Variants in CCDC138 observed in about 807,000 individuals in gnomAD.
CCDC138 encodes the protein coiled-coil domain-containing protein 138.
In CCDC138, 66 loss-of-function variants were observed where a neutral mutation model predicts 82.3. That is an observed-to-expected ratio of 0.80 (90% confidence interval 0.66 to 0.98). The LOEUF (loss-of-function observed/expected upper bound fraction) is 0.98. Among genes scored for constraint, CCDC138 ranks in the 50% least tolerant of loss-of-function variants. CCDC138 has a pLI of 0.00. For missense variants in CCDC138, 816 were observed against 758.9 expected, an observed-to-expected ratio of 1.08 and a Z score of -0.88; for synonymous variants, 297 against 265.4, an observed-to-expected ratio of 1.12 and a Z score of -1.16.
chr2:108,861,830 C>T (rs1178567315), intron 13 of CCDC138, among the ~76,000 whole-genome samples: 1 of 152,076 alleles, frequency 6.6e-6, no homozygotes, highest in African/African-American at 2.4e-5. Context: ...AGCCACCGCG[C>T]CCAGCCTAAA....
intron 11 of CCDC138, among the ~76,000 whole-genome samples, chr2:108,839,875 A>G (rs570160880): frequency 6.7e-6 from 1 of 150,192 alleles, no homozygotes; most frequent in Non-Finnish European, 1.5e-5. Context: ...TTCCTACCTT[A>G]TTGCATTAGC....
chr2:108,833,471 A>G (rs1237120008), intron 10 of CCDC138, among the ~76,000 whole-genome samples: 1 of 152,234 alleles, frequency 6.6e-6, no homozygotes. Context: ...AGGTTTTCCA[A>G]GAGCTTGGCA....
At chr2:108,857,082 T>C (rs1692735785) in intron 13 of CCDC138, 112 bp downstream of exon 13, 1 of 524,594 alleles carries the variant, frequency 1.9e-6, no homozygotes, top group African/African-American at 2.4e-5. Context: ...TTTTTTTTTT[T>C]TTTTTTTTTT....
chr2:108,867,444 A>G (rs1357910370), intron 13 of CCDC138, among the ~76,000 whole-genome samples: 1 of 152,246 alleles, frequency 6.6e-6, no homozygotes, highest in Non-Finnish European at 1.5e-5. Context: ...GAAAAATGGC[A>G]GACTAGGAAG....
intron 6 of CCDC138, among the ~76,000 whole-genome samples, chr2:108,802,104 C>T (rs74697333): frequency 3.5e-5 from 5 of 144,072 alleles, no homozygotes; most frequent in Admixed American, 7.1e-5. Context: ...ATTGACTTGG[C>T]GATGCGGGCT....
At chr2:108,838,467 A>G (rs1688937600) in intron 10 of CCDC138, among the ~76,000 whole-genome samples, 1 of 152,176 alleles carries the variant, frequency 6.6e-6, no homozygotes, top group Non-Finnish European at 1.5e-5. Flanking sequence ...GTAGCAATAA[A>G]TATCTTTGTA....
chr2:108,846,361 A>G (rs987599662), intron 11 of CCDC138, among the ~76,000 whole-genome samples: 3 of 152,174 alleles, frequency 2.0e-5, no homozygotes, highest in East Asian at 3.8e-4. Context: ...TACTTTTAAT[A>G]CATATATTTG....
At chr2:108,793,374 A>G (rs1179303976) in intron 4 of CCDC138, among the ~76,000 whole-genome samples, 3 of 151,940 alleles carry the variant, frequency 2.0e-5, no homozygotes, top group Admixed American at 6.6e-5. Flanking sequence ...ACTGACCGAG[A>G]GCATTTTATA....
intron 8 of CCDC138, 22 bp downstream of exon 8, chr2:108,812,730 A>G (rs764111172): frequency 1.2e-6 from 2 of 1,607,626 alleles, no homozygotes; most frequent in South Asian, 1.1e-5. Context: ...GTTCTTCTCT[A>G]CAGACAGAAG....
At chr2:108,843,844 T>TTGTGTGTGTGTGTG (rs71383805) in intron 11 of CCDC138, among the ~76,000 whole-genome samples, 84 of 22,808 alleles carry the variant, frequency 3.7e-3, no homozygotes, top group African/African-American at 5.3e-3. Context: ...AGTTCATGTT[T>TTGTGTGTGTGTGTG]TGTGTGTGTG....
chr2:108,788,381 C>G (rs181654465), intron 2 of CCDC138, among the ~76,000 whole-genome samples: 1 of 150,592 alleles, frequency 6.6e-6, no homozygotes, highest in Non-Finnish European at 1.5e-5. Context: ...GATGGCGCCA[C>G]TACACTCCAG....
chr2:108,867,204 G>C (rs565437629), intron 13 of CCDC138, among the ~76,000 whole-genome samples: 76 of 152,220 alleles, frequency 5.0e-4, no homozygotes, highest in African/African-American at 1.8e-3. Flanking sequence ...CTAGGGCCAG[G>C]GCAGTGATAA....
chr2:108,845,062 GT>G (rs1199943562), intron 11 of CCDC138, among the ~76,000 whole-genome samples: 1 of 151,800 alleles, frequency 6.6e-6, no homozygotes, highest in East Asian at 1.9e-4. Flanking sequence ...TTTTTTTCAA[GT>G]TTATTTTTTC....
chr2:108,786,961 G>T, intron 1 of CCDC138, 46 bp downstream of exon 1: 1 of 1,348,078 alleles, frequency 7.4e-7, no homozygotes, highest in African/African-American at 1.5e-5. Flanking sequence ...TGCTGCTGGG[G>T]GGCGGCCCGC....
At chr2:108,803,698 C>T (rs1682371742) in intron 6 of CCDC138, among the ~76,000 whole-genome samples, 1 of 152,170 alleles carries the variant, frequency 6.6e-6, no homozygotes, top group South Asian at 2.1e-4. Flanking sequence ...GGAAACTTTA[C>T]CCTTGAGGGT....
At chr2:108,843,243 C>T (rs1240424311) in intron 11 of CCDC138, among the ~76,000 whole-genome samples, 2 of 152,126 alleles carry the variant, frequency 1.3e-5, no homozygotes, top group African/African-American at 4.8e-5. Flanking sequence ...CTGCAACCTC[C>T]GTCTGCTGGG....
chr2:108,846,831 T>G lies in CCDC138; in HGVS notation c.1417T>G (p.Ser473Ala). The change falls in exon 12 of 15, where the codon TCT (serine) becomes GCT (alanine). Residue 473 changes from serine (S) to alanine (A), a missense_variant. Coordinates refer to ENST00000295124, the MANE Select transcript of CCDC138 (RefSeq NM_144978.3). ...AATTCAGGATAATTCTCCACAGCAT[T>G]CTGTGGAGAATAAACCAAAGACAGC... ...KGIQDNSPQH[S>A]VENKPKTAAF... 6.2e-7 allele frequency: 1 copy of G among 1,608,594 alleles called. No individual in the cohort carries two copies. Among genetic ancestry groups the G allele is most frequent in the Non-Finnish European group, 8.5e-7 (1 of 1,175,250 alleles).
intron 6 of CCDC138, among the ~76,000 whole-genome samples, chr2:108,799,648 T>G (rs1681565140): frequency 6.6e-6 from 1 of 152,240 alleles, no homozygotes; most frequent in South Asian, 2.1e-4. Context: ...TTAACTGAGC[T>G]TCTTCAATTT....
chr2:108,789,244 C>T (rs1392056705), intron 3 of CCDC138, among the ~76,000 whole-genome samples: 1 of 152,148 alleles, frequency 6.6e-6, no homozygotes, highest in East Asian at 1.9e-4. Flanking sequence ...TATGGTTATT[C>T]ATTCAGGACC....
Sources: gnomAD v4.1 joint callset for allele counts (sites outside exome capture counted in the v4.1 genomes callset) on GRCh38, gnomAD v4.1.1 for gene constraint, MANE v1.5 for transcripts, NCBI Gene and HGNC (gene_info 2026-07-23, HGNC 2026-07-21) for gene names.